The following HERC1 variants were observed in gnomAD, a reference collection of about 807,000 sequenced individuals.
HERC1 encodes HECT and RLD domain containing E3 ubiquitin protein ligase family member 1.
Under a neutral mutation model 554.3 loss-of-function variants are expected in HERC1, and 160 were observed. That is an observed-to-expected ratio of 0.29 (90% CI 0.25 to 0.33). HERC1 has a LOEUF of 0.33. HERC1 is among the 10% of genes least tolerant of loss of function. The probability of loss-of-function intolerance (pLI) is 1.00; values close to 1 mark genes in which losing one functional copy is unlikely to be tolerated. For missense variants in HERC1, 4,919 were observed against 5,918.5 expected, an observed-to-expected ratio of 0.83 and a Z score of 5.54; for synonymous variants, 2,175 against 2,131.7, an observed-to-expected ratio of 1.02 and a Z score of -0.56.
chr15:63,783,383 T>G (rs1221445364), intron 1 of HERC1, among the ~76,000 whole-genome samples: 1 of 152,126 alleles, frequency 6.6e-6, no homozygotes, highest in Non-Finnish European at 1.5e-5. Context: ...CTTTGAAGGA[T>G]CAGAGGACTC....
At chr15:63,619,798 T>G (rs1314867457) in intron 74 of HERC1, among the ~76,000 whole-genome samples, 1 of 152,166 alleles carries the variant, frequency 6.6e-6, no homozygotes, top group African/African-American at 2.4e-5. Flanking sequence ...GTTTATAGTA[T>G]TCTCTGATGG....
intron 56 of HERC1, among the ~76,000 whole-genome samples, 176 bp downstream of exon 56, chr15:63,645,307 C>G (rs2069277835): frequency 6.6e-6 from 1 of 152,166 alleles, no homozygotes; most frequent in Non-Finnish European, 1.5e-5. Context: ...TACCAAGTTT[C>G]ACACTGGACA....
chr15:63,787,983 GACAAA>G (rs1157834961), intron 1 of HERC1, among the ~76,000 whole-genome samples: 2 of 125,914 alleles, frequency 1.6e-5, no homozygotes, highest in Non-Finnish European at 3.4e-5. Flanking sequence ...AAAAAAAAAA[GACAAA>G]ACAAAACAAA....
At chr15:63,685,669 C>G (rs1016984786) in intron 34 of HERC1, among the ~76,000 whole-genome samples, 9 of 152,182 alleles carry the variant, frequency 5.9e-5, no homozygotes, top group African/African-American at 2.2e-4. Context: ...ATCTTATCCC[C>G]CTGCATGGGG....
intron 18 of HERC1, 67 bp from the exon 19 acceptor site, chr15:63,723,422 C>T: frequency 9.4e-7 from 1 of 1,059,732 alleles, no homozygotes; most frequent in Non-Finnish European, 1.3e-6. Flanking sequence ...AAAATCTTAC[C>T]ACATTTATTT....
rs367626413 is a variant in HERC1 at position 63,710,037 on chromosome 15, G to T, written c.4584+2738C>A. 5.3e-5 allele frequency among the ~76,000 whole-genome samples: 8 copies of T among 152,318 alleles called. No individual in the cohort carries two copies. The South Asian group carries it at 8.3e-4, about 16-fold the overall frequency. ...AGCAAAGGCTCAAGAGGTATGCTTG[G>T]GGTCTGGCAGATGAACTACTATGGC... On this transcript the variant is annotated intron_variant, in intron 24 of 77. Coordinates refer to ENST00000443617, the MANE Select transcript of HERC1 (RefSeq NM_003922.4).
rs180737389 is a variant in HERC1, at chr15:63,817,153, T to A, written c.-27+16674A>T. On this transcript the variant is annotated intron_variant, in intron 1 of 77. Coordinates refer to ENST00000443617, the MANE Select transcript of HERC1 (RefSeq NM_003922.4). ...ATGAAGAGAGTCTAAAGATTTAAAATGATGTAATAAACATGCCAAACTACT... is the reference window on the plus strand; with the variant it reads ...ATGAAGAGAGTCTAAAGATTTAAAAAGATGTAATAAACATGCCAAACTACT... 2.7e-3 allele frequency among the ~76,000 whole-genome samples: 411 copies of A among 152,240 alleles called. 1 individual carries two copies. The highest frequency in any genetic ancestry group is 9.3e-3 in the African/African-American group (386 of 41,552).
intron 3 of HERC1, among the ~76,000 whole-genome samples, chr15:63,761,344 C>T (rs2142264799): frequency 6.6e-6 from 1 of 152,064 alleles, no homozygotes; most frequent in Non-Finnish European, 1.5e-5. Context: ...CTTTGGGAGC[C>T]CGAGGTAGAA....
chr15:63,691,686 AG>A (rs1414363213), intron 31 of HERC1, among the ~76,000 whole-genome samples: 1 of 152,212 alleles, frequency 6.6e-6, no homozygotes, highest in African/African-American at 2.4e-5. Flanking sequence ...TAAGAAAAAA[AG>A]TATATTGAGC....
chr15:63,768,118 C>T (rs2075839897), intron 2 of HERC1, among the ~76,000 whole-genome samples: 1 of 152,234 alleles, frequency 6.6e-6, no homozygotes, highest in African/African-American at 2.4e-5. Context: ...CCAATCATAG[C>T]ACATTGCTCA....
intron 33 of HERC1, 54 bp from the exon 34 acceptor site, chr15:63,686,589 GAT>G: frequency 6.9e-7 from 1 of 1,449,970 alleles, no homozygotes; most frequent in Non-Finnish European, 9.5e-7. Context: ...TCTCAGATAA[GAT>G]ATATTCTGAG....
intron 1 of HERC1, among the ~76,000 whole-genome samples, chr15:63,804,045 T>C (rs542257530): frequency 6.6e-6 from 1 of 152,166 alleles, no homozygotes; most frequent in Admixed American, 6.5e-5. Flanking sequence ...AAGGATAATC[T>C]TTTCAACAAA....
At chr15:63,772,256 A>G (rs941883752) in intron 2 of HERC1, among the ~76,000 whole-genome samples, 2 of 152,208 alleles carry the variant, frequency 1.3e-5, no homozygotes, top group Non-Finnish European at 2.9e-5. Context: ...TCTTCCCATT[A>G]AGGAGCAATA....
In HERC1 at chr15:63,833,929, G is replaced by T; in HGVS notation, c.-129C>A. The T allele has an allele frequency of 6.5e-6, 1 of 152,868 alleles. No homozygotes were observed. The highest frequency in any genetic ancestry group is 1.9e-4 in the South Asian group (1 of 5,174). The allele number at this position is 152,868 out of a possible 1,614,324, so 9.5% of individuals were successfully genotyped here. A position where few individuals can be genotyped will look rare whatever the true frequency, so the allele number is the denominator to read the frequency against. The stretch of plus-strand genomic sequence containing the variant: ...CCTTTATTTTTGCTGCAGCAGCAGC[G>T]ACTTGTCAAAGGGAAAGACGTAAGA... On this transcript the variant is annotated 5_prime_UTR_variant, in exon 1 of 78. Coordinates refer to ENST00000443617, the MANE Select transcript of HERC1 (RefSeq NM_003922.4).
In HERC1 at chr15:63,654,231, C is replaced by T. The variant is rs200318759; in HGVS notation, c.10178G>A (p.Arg3393His). ...GTCACGGTCGTGTGCAGCAAGAGTG[C>T]GCACGAGTTGCTGAGCTGCCCATTG... Reference protein sequence around the residue: ...HRQWAAQQLVRTLAAHDRDNQ... With the variant: ...HRQWAAQQLVHTLAAHDRDNQ... The change falls in exon 51 of 78, where the codon CGC becomes CAC. Residue 3393 changes from arginine (R) to histidine (H), a missense_variant. By Grantham distance (29) the Arg-to-His change is conservative (BLOSUM62 0). Coordinates refer to ENST00000443617, the MANE Select transcript of HERC1 (RefSeq NM_003922.4). 5.7e-5 allele frequency: 92 copies of T among 1,613,904 alleles called. No homozygotes were observed. The highest frequency in any genetic ancestry group is 1.5e-4 in the Admixed American group (9 of 60,022).
chr15:63,724,126 A>G (rs1289880926), intron 18 of HERC1, among the ~76,000 whole-genome samples: 3 of 152,220 alleles, frequency 2.0e-5, no homozygotes, highest in African/African-American at 7.2e-5. Flanking sequence ...AAATAACATT[A>G]AACAGAAATT....
chr15:63,705,033 C>T (rs1596020660), intron 25 of HERC1, among the ~76,000 whole-genome samples: 1 of 151,832 alleles, frequency 6.6e-6, no homozygotes, highest in Non-Finnish European at 1.5e-5. Flanking sequence ...CCACGACACC[C>T]CACCCTCTGT....
At chr15:63,781,136 C>G (rs143849175) in intron 1 of HERC1, among the ~76,000 whole-genome samples, 3 of 151,984 alleles carry the variant, frequency 2.0e-5, no homozygotes, top group African/African-American at 7.2e-5. Flanking sequence ...ATAAAACTGT[C>G]ACAAACAGTT....
rs1457079751 is a variant in HERC1, at chr15:63,692,724, A to G, written c.5675-158T>C. 6.6e-6 allele frequency among the ~76,000 whole-genome samples: 1 copy of G among 152,238 alleles called. No individual in the cohort carries two copies. The highest frequency in any genetic ancestry group is 1.5e-5 in the Non-Finnish European group (1 of 68,044). ...GAAAACTTAAAGAACAGAATGGGGAAAGGTCAGAAAACAAAGCCTAAACTT... is the reference window on the plus strand; with the variant it reads ...GAAAACTTAAAGAACAGAATGGGGAGAGGTCAGAAAACAAAGCCTAAACTT... On this transcript the variant is annotated intron_variant, in intron 30 of 77. Coordinates refer to ENST00000443617, the MANE Select transcript of HERC1 (RefSeq NM_003922.4). This position sits in a 1 kb window ranked among gnomAD's most constrained non-coding sequence, Gnocchi z 4.7.
Sources: allele counts gnomAD v4.1 joint callset (sites outside exome capture counted in the v4.1 genomes callset), GRCh38; gene constraint gnomAD v4.1.1; non-coding constraint Gnocchi (gnomAD v3.1); transcripts MANE v1.5; gene names NCBI Gene and HGNC (gene_info 2026-07-23, HGNC 2026-07-21).